Variants in ROBO2 observed in about 807,000 individuals in gnomAD.
The protein encoded by ROBO2 is roundabout guidance receptor 2.
Under a neutral mutation model 160.8 loss-of-function variants are expected in ROBO2, and 53 were observed. The observed-to-expected ratio is 0.33, with a 90% CI of 0.26 to 0.41. The LOEUF is 0.41. ROBO2 is among the 10% of genes least tolerant of loss of function. The pLI is 1.00. For missense variants in ROBO2, 1,577 were observed against 1,722.4 expected (o/e 0.92, Z 1.49); for synonymous variants, 664 against 611.7 (o/e 1.09, Z -1.26).
At chr3:76,975,422 T>G (rs755852047) in intron 2 of ROBO2, among the ~76,000 whole-genome samples, 1 of 152,148 alleles carries the variant, frequency 6.6e-6, no homozygotes, top group Non-Finnish European at 1.5e-5. Context: ...GGAGAATCGC[T>G]TGAACCCAGG....
At chr3:76,434,078 G>C (rs749063040) in intron 2 of ROBO2, 51 of 1,306,438 alleles carry the variant, frequency 3.9e-5, no homozygotes, top group Non-Finnish European at 5.5e-5. Context: ...CCTGGAGGCA[G>C]TATCCCATAC....
At chr3:76,053,110 A>G (rs953767495) in intron 2 of ROBO2, among the ~76,000 whole-genome samples, 1 of 152,070 alleles carries the variant, frequency 6.6e-6, no homozygotes, top group African/African-American at 2.4e-5. Context: ...GCCAGACTAT[A>G]GGACAATATC....
chr3:76,160,715 T>A (rs2072593684), intron 2 of ROBO2, among the ~76,000 whole-genome samples: 1 of 152,188 alleles, frequency 6.6e-6, no homozygotes, highest in Non-Finnish European at 1.5e-5. Flanking sequence ...GAATTCATGT[T>A]GCTATGAGAG....
intron 22 of ROBO2, chr3:77,618,034 G>A (rs1299922879): frequency 1.6e-5 from 8 of 487,202 alleles, no homozygotes; most frequent in Non-Finnish European, 3.0e-5. Flanking sequence ...ACTAGAACTA[G>A]AGCAAGAATT....
intron 2 of ROBO2, among the ~76,000 whole-genome samples, chr3:76,005,004 G>A (rs2065981327): frequency 6.6e-6 from 1 of 152,190 alleles, no homozygotes; most frequent in Admixed American, 6.5e-5. Flanking sequence ...AACAGATTCA[G>A]CTGATTTAAA....
chr3:76,136,818 A>C (rs2071444580), intron 2 of ROBO2, among the ~76,000 whole-genome samples: 1 of 152,068 alleles, frequency 6.6e-6, no homozygotes, highest in Non-Finnish European at 1.5e-5. Context: ...GCCTGTACAA[A>C]AAAGAAGCCA....
intron 2 of ROBO2, among the ~76,000 whole-genome samples, chr3:77,033,025 G>C (rs752202153): frequency 6.6e-6 from 1 of 152,146 alleles, no homozygotes; most frequent in Non-Finnish European, 1.5e-5. Context: ...CCTAAGTATT[G>C]TAAACAATTA....
chr3:76,140,694 A>T (rs2071600067), intron 2 of ROBO2, among the ~76,000 whole-genome samples: 2 of 151,832 alleles, frequency 1.3e-5, no homozygotes, highest in Non-Finnish European at 1.5e-5. Flanking sequence ...CAAAGTGATA[A>T]AGCTAATTAG....
intron 2 of ROBO2, among the ~76,000 whole-genome samples, chr3:75,963,775 G>A (rs1371175099): frequency 6.6e-6 from 1 of 151,642 alleles, no homozygotes; most frequent in African/African-American, 2.4e-5. Flanking sequence ...ATCTGTTTTA[G>A]GCCTCCCTTC....
intron 2 of ROBO2, among the ~76,000 whole-genome samples, chr3:76,289,385 A>T (rs1708690367): frequency 6.6e-6 from 1 of 151,978 alleles, no homozygotes; most frequent in African/African-American, 2.4e-5. Flanking sequence ...ATAGATGCTG[A>T]TATTAGACCT....
chr3:76,366,272 T>C (rs2085979259), intron 2 of ROBO2, among the ~76,000 whole-genome samples: 1 of 152,046 alleles, frequency 6.6e-6, no homozygotes, highest in African/African-American at 2.4e-5. Context: ...CAATACCCTT[T>C]ACCCTGCTCT....
chr3:76,722,289 T>C (rs556581039), intron 2 of ROBO2, among the ~76,000 whole-genome samples: 10 of 152,042 alleles, frequency 6.6e-5, no homozygotes, highest in South Asian at 4.1e-4. Flanking sequence ...GCCTGGCTAA[T>C]TTTTGTATTT....
chr3:76,761,833 C>A (rs1186018934), intron 2 of ROBO2, among the ~76,000 whole-genome samples: 1 of 151,646 alleles, frequency 6.6e-6, no homozygotes, highest in Non-Finnish European at 1.5e-5. Context: ...TCCATTTCCT[C>A]TTCTACCATG....
chr3:76,544,022 A>G (rs928966915), intron 2 of ROBO2, among the ~76,000 whole-genome samples: 11 of 152,060 alleles, frequency 7.2e-5, no homozygotes, highest in African/African-American at 1.9e-4. Context: ...CTTATGAGGG[A>G]AAAATCCACA....
intron 2 of ROBO2, among the ~76,000 whole-genome samples, chr3:76,182,608 T>C (rs2107112925): frequency 6.6e-6 from 1 of 152,238 alleles, no homozygotes. Context: ...CGGCTCCATA[T>C]GGACTATTGT....
intron 1 of ROBO2, among the ~76,000 whole-genome samples, chr3:75,933,083 A>G (rs1457209847): frequency 1.3e-5 from 2 of 152,208 alleles, no homozygotes; most frequent in Admixed American, 6.5e-5. Context: ...ACTCCTTTTA[A>G]TAGTGACTCA....
At chr3:76,766,828 A>C (rs1157750648) in intron 2 of ROBO2, among the ~76,000 whole-genome samples, 1 of 151,560 alleles carries the variant, frequency 6.6e-6, no homozygotes, top group Non-Finnish European at 1.5e-5. Flanking sequence ...TGGGTAATTG[A>C]ATACTCTGAG....
intron 2 of ROBO2, among the ~76,000 whole-genome samples, chr3:76,924,581 A>G (rs1214767544): frequency 1.3e-5 from 2 of 152,156 alleles, no homozygotes; most frequent in East Asian, 1.9e-4. Flanking sequence ...ACATGCTCCT[A>G]TATTTTTACT....
At chr3:76,486,348 T>C (rs1173750974) in intron 2 of ROBO2, among the ~76,000 whole-genome samples, 1 of 152,146 alleles carries the variant, frequency 6.6e-6, no homozygotes. Context: ...GTTGAAGTTA[T>C]GTCACTTTCT....
Sources: gnomAD v4.1 joint callset for allele counts (sites outside exome capture counted in the v4.1 genomes callset) on GRCh38, gnomAD v4.1.1 for gene constraint, MANE v1.5 for transcripts, NCBI Gene and HGNC (gene_info 2026-07-23, HGNC 2026-07-21) for gene names.